PRKN: variants seen among roughly 807,000 people sequenced by gnomAD.
PRKN encodes the protein parkin RBR E3 ubiquitin protein ligase.
PRKN carries 56 observed loss-of-function variants against 59.5 expected under a neutral mutation model. That is an observed-to-expected ratio of 0.94 (90% confidence interval 0.76 to 1.18). The LOEUF (loss-of-function observed/expected upper bound fraction) is 1.18, where lower values mean the gene tolerates loss of function less well. Ranked by LOEUF, PRKN falls within the 50% of genes most tolerant of loss-of-function variation. PRKN has a pLI of 0.00. For synonymous variants in PRKN, 250 were observed against 222.1 expected (o/e 1.13, Z -1.12); for missense variants, 657 against 596.4 (o/e 1.10, Z -1.06).
intron 4 of PRKN, among the ~76,000 whole-genome samples, chr6:162,169,869 T>C (rs1410283180): frequency 6.6e-6 from 1 of 152,202 alleles, no homozygotes; most frequent in African/African-American, 2.4e-5. Context: ...TCCTTGTATC[T>C]AGGAGGATAT....
At chr6:162,653,478 A>C (rs1312873968) in intron 1 of PRKN, among the ~76,000 whole-genome samples, 1 of 152,184 alleles carries the variant, frequency 6.6e-6, no homozygotes, top group African/African-American at 2.4e-5. Context: ...AATCTTAGAA[A>C]ATTTCTCTGG....
intron 7 of PRKN, among the ~76,000 whole-genome samples, chr6:161,645,568 TTTGA>T (rs1319661677): frequency 1.3e-5 from 2 of 152,208 alleles, no homozygotes; most frequent in African/African-American, 4.8e-5. Context: ...TATAAAGCAG[TTTGA>T]TTGATTTGGT....
chr6:162,390,394 T>TAC lies in PRKN; in HGVS notation c.171+52915_171+52916insGT, dbSNP rs1272491393. On this transcript the variant is annotated intron_variant, in intron 2 of 11. Transcript: ENST00000366898. ...GCTAAGGTATATATATATATATATA[T>TAC]ATACACACACACACACACACACACA... 6.4e-3 allele frequency among the ~76,000 whole-genome samples: 767 copies of TAC among 120,742 alleles called. 7 individuals are homozygous for TAC. The highest frequency in any genetic ancestry group is 7.7e-3 in the African/African-American group (200 of 26,132). The allele number at this position is 120,742 out of a possible 152,430, so 79.2% of individuals were successfully genotyped here. A position where few individuals can be genotyped will look rare whatever the true frequency, so the allele number is the denominator to read the frequency against.
At chr6:162,407,605 G>T (rs1672599134) in intron 2 of PRKN, among the ~76,000 whole-genome samples, 1 of 152,078 alleles carries the variant, frequency 6.6e-6, no homozygotes, top group Admixed American at 6.5e-5. Context: ...CCATGTAATT[G>T]TCTTAAAATT....
intron 1 of PRKN, among the ~76,000 whole-genome samples, chr6:162,565,496 C>T (rs969823726): frequency 2.4e-4 from 36 of 152,046 alleles, no homozygotes; most frequent in African/African-American, 8.5e-4. Flanking sequence ...TGGAGACAAG[C>T]CTGGCAAACA....
At chr6:162,352,091 A>G (rs1784649443) in intron 2 of PRKN, among the ~76,000 whole-genome samples, 1 of 152,142 alleles carries the variant, frequency 6.6e-6, no homozygotes, top group Non-Finnish European at 1.5e-5. Flanking sequence ...CACAGAGCTC[A>G]GTAATATTGA....
intron 1 of PRKN, among the ~76,000 whole-genome samples, chr6:162,577,259 A>C (rs78541811): frequency 0.021 from 3,135 of 152,052 alleles, 108 homozygotes; most frequent in African/African-American, 0.07. Context: ...GAAAAAAATC[A>C]ATCAAATCAC....
At chr6:161,477,256 G>T (rs577295869) in intron 9 of PRKN, among the ~76,000 whole-genome samples, 1 of 152,316 alleles carries the variant, frequency 6.6e-6, no homozygotes, top group Admixed American at 6.5e-5. Flanking sequence ...GGTGGCTCAC[G>T]CCTGTAATCC....
chr6:162,094,517 ATTAAT>A (rs549985311), intron 4 of PRKN, among the ~76,000 whole-genome samples: 517 of 152,168 alleles, frequency 3.4e-3, no homozygotes, highest in Non-Finnish European at 5.8e-3. Context: ...TAATTAATTA[ATTAAT>A]TTAATTTAAT....
chr6:161,835,706 G>GT (rs1190707405), intron 6 of PRKN, among the ~76,000 whole-genome samples: 1 of 152,196 alleles, frequency 6.6e-6, no homozygotes, highest in East Asian at 1.9e-4. Context: ...AGGCAACTGA[G>GT]TTATCCTGTT....
Position 161,520,739 on chromosome 6 carries a change from T to C in PRKN, c.1083+28115A>G, listed in dbSNP as rs771822301. ...CTACAGATGAATCTTCAAAATACCT[T>C]TATTATGATAAAAGAGAAATCCAAT... On this transcript the variant is annotated intron_variant, in intron 9 of 11. Coordinates refer to ENST00000366898, the MANE Select transcript of PRKN (RefSeq NM_004562.3). Among the ~76,000 whole-genome samples the C allele has an allele frequency of 1.6e-3, 241 of 152,186 alleles. 3 individuals are homozygous for C. Among genetic ancestry groups the C allele is most frequent in the African/African-American group, 1.2e-3 (48 of 41,452 alleles).
chr6:162,239,569 G>A (rs963294960), intron 3 of PRKN, among the ~76,000 whole-genome samples: 1 of 152,012 alleles, frequency 6.6e-6, no homozygotes, highest in African/African-American at 2.4e-5. Flanking sequence ...CTTCGTGGGA[G>A]TTGAGGAGCG....
chr6:161,736,816 G>A (rs1433365864), intron 7 of PRKN, among the ~76,000 whole-genome samples: 1 of 152,174 alleles, frequency 6.6e-6, no homozygotes, highest in Non-Finnish European at 1.5e-5. Flanking sequence ...TCTATTCTGG[G>A]TCAGAAGGGT....
intron 4 of PRKN, among the ~76,000 whole-genome samples, chr6:162,124,721 T>C (rs1371921156): frequency 3.9e-5 from 6 of 152,032 alleles, no homozygotes; most frequent in Non-Finnish European, 5.9e-5. Context: ...AATAAAGACT[T>C]GAGGAGAATC....
chr6:161,645,533 TA>T (rs1350532299), intron 7 of PRKN, among the ~76,000 whole-genome samples: 1 of 152,234 alleles, frequency 6.6e-6, no homozygotes, highest in Admixed American at 6.5e-5. Flanking sequence ...AAATTCTTAC[TA>T]AAATTTTTTA....
At position 161,649,247 on chromosome 6, in the gene PRKN, T is replaced by C. The variant is rs1158505505; in HGVS notation, c.872-79831A>G. Among the ~76,000 whole-genome samples, 2 of 152,178 alleles carry C rather than the reference T, an allele frequency of 1.3e-5. 1 individual carries two copies. The highest frequency in any genetic ancestry group is 2.9e-5 in the Non-Finnish European group (2 of 68,036). ...GACCCCCTCTCTCATATGGTCTCCT[T>C]ATGGTGAGCGCCGTTCACAATGCAC... On this transcript the variant is annotated intron_variant, in intron 7 of 11. Coordinates refer to ENST00000366898, the MANE Select transcript of PRKN (RefSeq NM_004562.3).
intron 3 of PRKN, among the ~76,000 whole-genome samples, chr6:162,252,492 T>C (rs1390830140): frequency 6.6e-6 from 1 of 152,196 alleles, no homozygotes; most frequent in Admixed American, 6.5e-5. Context: ...ATAATTCAGA[T>C]GTTGAAACCT....
intron 4 of PRKN, among the ~76,000 whole-genome samples, chr6:162,145,119 A>G (rs1781967731): frequency 1.3e-5 from 2 of 152,188 alleles, no homozygotes; most frequent in Admixed American, 1.3e-4. Context: ...TTATTACGGA[A>G]ATTGAACTCT....
intron 4 of PRKN, among the ~76,000 whole-genome samples, chr6:162,183,507 C>G (rs147177541): frequency 6.6e-6 from 1 of 152,228 alleles, no homozygotes; most frequent in Non-Finnish European, 1.5e-5. Context: ...GTCACCTCCC[C>G]TCCTGTCTTG....
Sources: allele counts gnomAD v4.1 joint callset (sites outside exome capture counted in the v4.1 genomes callset), GRCh38; gene constraint gnomAD v4.1.1; transcripts MANE v1.5; gene names NCBI Gene and HGNC (gene_info 2026-07-23, HGNC 2026-07-21).